Variants in GNAI3 observed in about 807,000 individuals in gnomAD.
The protein encoded by GNAI3 is guanine nucleotide-binding protein G(i) subunit alpha-3.
In GNAI3, 12 loss-of-function variants were observed where a neutral mutation model predicts 41.8. The ratio of observed to expected loss-of-function variants is 0.29; its 90% CI spans 0.18 to 0.47. The LOEUF (loss-of-function observed/expected upper bound fraction) is 0.47. Ranked by LOEUF, GNAI3 falls within the 20% of genes least tolerant of loss-of-function variation. GNAI3 has a pLI of 1.00. For synonymous variants in GNAI3, 132 were observed against 146.5 expected (o/e 0.90, Z 0.71); for missense variants, 360 against 429.6 (o/e 0.84, Z 1.43).
intron 1 of GNAI3, among the ~76,000 whole-genome samples, chr1:109,553,286 A>G (rs967568414): frequency 1.3e-5 from 2 of 152,104 alleles, no homozygotes; most frequent in East Asian, 1.9e-4. Flanking sequence ...TTATTGAATT[A>G]TCTGCTCTCT....
chr1:109,577,280 T>G (rs1019890021), intron 3 of GNAI3, among the ~76,000 whole-genome samples: 53 of 146,994 alleles, frequency 3.6e-4, no homozygotes, highest in Non-Finnish European at 3.2e-4. Context: ...TTTTTTTTGT[T>G]TTTTTTTTTT....
chr1:109,550,787 C>A (rs971254609), intron 1 of GNAI3, among the ~76,000 whole-genome samples: 2 of 152,210 alleles, frequency 1.3e-5, no homozygotes, highest in African/African-American at 4.8e-5. Context: ...CCCGCCTTGG[C>A]CTCCCAAAGT....
In GNAI3 at chr1:109,592,968, A is replaced by G. The variant is rs1398812692; in HGVS notation, c.*646A>G. On this transcript the variant is annotated 3_prime_UTR_variant, in exon 9 of 9. Coordinates refer to ENST00000369851, the MANE Select transcript of GNAI3 (RefSeq NM_006496.4). ...CTCAAAGTACCATTATGGTTTCCATATGGTAATTACATTGGAAAGTTCTGC... is the reference window on the plus strand; with the variant it reads ...CTCAAAGTACCATTATGGTTTCCATGTGGTAATTACATTGGAAAGTTCTGC... The G allele has an allele frequency of 6.6e-6, 1 of 152,658 alleles. No homozygotes were observed. Among genetic ancestry groups the G allele is most frequent in the Non-Finnish European group, 1.5e-5 (1 of 68,050 alleles). The allele number at this position is 152,658 out of a possible 1,614,324, so 9.5% of individuals were successfully genotyped here. A position where few individuals can be genotyped will look rare whatever the true frequency, so the allele number is the denominator to read the frequency against.
At chr1:109,591,733 C>T in intron 7 of GNAI3, 1 of 364,430 alleles carries the variant, frequency 2.7e-6, no homozygotes, top group South Asian at 7.6e-5. Context: ...ATGCACCTTC[C>T]TACTTTCCTA....
chr1:109,573,799 TTTGTTAGAC>T lies in GNAI3; in HGVS notation c.161+22_161+30del, dbSNP rs756205514. The T allele has an allele frequency of 6.2e-7, 1 of 1,606,700 alleles. No individual in the cohort carries two copies. Among genetic ancestry groups the T allele is most frequent in the Non-Finnish European group, 8.5e-7 (1 of 1,173,260 alleles). On this transcript the variant is annotated intron_variant, in intron 2 of 8. Coordinates refer to ENST00000369851, the MANE Select transcript of GNAI3 (RefSeq NM_006496.4). Reference sequence around the variant, plus strand: ...GATGAAGTAAGTTGGAATGTAGCGTTTTGTTAGACTAGGATTTCTCCTAATGCATATAAA... The same window carrying T: ...GATGAAGTAAGTTGGAATGTAGCGTTTAGGATTTCTCCTAATGCATATAAA...
intron 4 of GNAI3, among the ~76,000 whole-genome samples, chr1:109,580,162 C>T (rs774651681): frequency 1.1e-4 from 16 of 152,112 alleles, no homozygotes; most frequent in Non-Finnish European, 2.1e-4. Context: ...CCACCATGCC[C>T]GGCTAATTTG....
At chr1:109,587,688 C>T (rs1049872354) in intron 7 of GNAI3, among the ~76,000 whole-genome samples, 1 of 152,128 alleles carries the variant, frequency 6.6e-6, no homozygotes, top group Non-Finnish European at 1.5e-5. Context: ...CCTTATATCT[C>T]ATGCTGAGAC....
Position 109,586,150 on chromosome 1 carries a change from T to C in GNAI3, c.591-66T>C. 3 of 1,404,338 alleles carry C rather than the reference T, an allele frequency of 2.1e-6. No individual in the cohort carries two copies. The Admixed American group carries it at 6.4e-5, about 30-fold the overall frequency. The allele number at this position is 1,404,338 out of a possible 1,614,324, so 87.0% of individuals were successfully genotyped here. A position where few individuals can be genotyped will look rare whatever the true frequency, so the allele number is the denominator to read the frequency against. On this transcript the variant is annotated intron_variant, in intron 5 of 8. Coordinates refer to ENST00000369851, the MANE Select transcript of GNAI3 (RefSeq NM_006496.4). Reference sequence around the variant, plus strand: ...TATGTAATAGTGGGAAGTTTCCTAATCATTTCAGTTTAGGGGAAGGTGTAT... The same window carrying C: ...TATGTAATAGTGGGAAGTTTCCTAACCATTTCAGTTTAGGGGAAGGTGTAT...
chr1:109,586,838 A>G lies in GNAI3; in HGVS notation c.830A>G (p.Lys277Arg). ...FLNKKDLFEE[K>R]IKRSPLTICY... ...AACAAGAAAGACCTTTTTGAGGAAA[A>G]AATAAAGAGGAGTCCGTTAACTATC... The change falls in exon 7 of 9, where the codon AAA becomes AGA. Residue 277 changes from lysine to arginine, a missense_variant. Lys to Arg is a conservative substitution (Grantham distance 26, BLOSUM62 2). Coordinates refer to ENST00000369851, the MANE Select transcript of GNAI3 (RefSeq NM_006496.4). The G allele has an allele frequency of 6.2e-7, 1 of 1,604,572 alleles. No individual in the cohort carries two copies. Among genetic ancestry groups the G allele is most frequent in the South Asian group, 1.1e-5 (1 of 90,822 alleles).
At chr1:109,583,603 A>G (rs184339452) in intron 5 of GNAI3, among the ~76,000 whole-genome samples, 1 of 151,736 alleles carries the variant, frequency 6.6e-6, no homozygotes, top group East Asian at 1.9e-4. Context: ...TTTTTTTGAG[A>G]TGGAGTCTTG....
chr1:109,571,034 T>A (rs558690187), intron 1 of GNAI3, among the ~76,000 whole-genome samples: 1 of 152,180 alleles, frequency 6.6e-6, no homozygotes, highest in African/African-American at 2.4e-5. Flanking sequence ...TTTAAAAAAA[T>A]TAAGCTTTAC....
chr1:109,568,262 C>A (rs947728617), intron 1 of GNAI3, among the ~76,000 whole-genome samples: 2 of 152,084 alleles, frequency 1.3e-5, no homozygotes, highest in South Asian at 4.1e-4. Flanking sequence ...TGTCTGGGTG[C>A]AGTGGCTCGC....
chr1:109,566,721 C>T (rs1648464587), intron 1 of GNAI3, among the ~76,000 whole-genome samples: 1 of 152,142 alleles, frequency 6.6e-6, no homozygotes, highest in African/African-American at 2.4e-5. Context: ...GCCACCATAC[C>T]TGGCTAATTT....
At chr1:109,581,293 C>G (rs1290836170) in intron 4 of GNAI3, among the ~76,000 whole-genome samples, 1 of 151,228 alleles carries the variant, frequency 6.6e-6, no homozygotes, top group Non-Finnish European at 1.5e-5. Flanking sequence ...AAAAAAAAAC[C>G]CCAGACCTCC....
At position 109,592,357 on chromosome 1, in the gene GNAI3, G is replaced by A. The variant is rs1410329540; in HGVS notation, c.*35G>A. 1 of 636,008 alleles carries A rather than the reference G, an allele frequency of 1.6e-6. No homozygotes were observed. Among genetic ancestry groups the A allele is most frequent in the Non-Finnish European group, 2.7e-6 (1 of 366,180 alleles). 39.4% of individuals were successfully genotyped at this position (636,008 alleles called of 1,614,324 possible). A position where few individuals can be genotyped will look rare whatever the true frequency, so the allele number is the denominator to read the frequency against. ...TCTTCTCTTCTAGTTACTACAGTGT[G>A]GAGTGTTGAGACCAGACACCTTTTG... On this transcript the variant is annotated 3_prime_UTR_variant, in exon 9 of 9. Coordinates refer to ENST00000369851, the MANE Select transcript of GNAI3 (RefSeq NM_006496.4).
At chr1:109,565,177 C>T (rs1262456542) in intron 1 of GNAI3, among the ~76,000 whole-genome samples, 2 of 151,132 alleles carry the variant, frequency 1.3e-5, no homozygotes, top group African/African-American at 2.4e-5. Flanking sequence ...GACAGAGAAT[C>T]ACTTGAACCC....
intron 1 of GNAI3, among the ~76,000 whole-genome samples, chr1:109,569,743 A>G (rs537826608): frequency 2.6e-5 from 4 of 152,256 alleles, no homozygotes; most frequent in African/African-American, 9.6e-5. Context: ...ATAAAGGGAA[A>G]GGCAAACTGA....
rs1316507687 is a variant in GNAI3 at position 109,592,154 on chromosome 1, C to T, written c.986C>T (p.Thr329Met). Reference sequence around the variant, plus strand: ...ACTCACTTCACCTGTGCCACAGACACGAAGAATGTGCAGTTTGTTTTTGAT... The same window carrying T: ...ACTCACTTCACCTGTGCCACAGACATGAAGAATGTGCAGTTTGTTTTTGAT... The part of the protein sequence containing the change: ...IYTHFTCATD[T>M]KNVQFVFDAV... Residue 329 changes from threonine to methionine, a missense_variant, in exon 8 of 9, where the codon ACG (threonine) becomes ATG (methionine). Thr to Met is a moderately conservative substitution (Grantham distance 81). Transcript: ENST00000369851. 7.4e-6 allele frequency: 12 copies of T among 1,612,534 alleles called. No homozygotes were observed. Among genetic ancestry groups the T allele is most frequent in the Admixed American group, 3.3e-5 (2 of 60,008 alleles).
At chr1:109,568,143 C>A (rs1049598205) in intron 1 of GNAI3, among the ~76,000 whole-genome samples, 1 of 152,102 alleles carries the variant, frequency 6.6e-6, no homozygotes, top group Admixed American at 6.6e-5. Context: ...GAAATTATCA[C>A]CATCTCTCAC....
Sources: gnomAD v4.1 joint callset for allele counts (sites outside exome capture counted in the v4.1 genomes callset) on GRCh38, gnomAD v4.1.1 for gene constraint, MANE v1.5 for transcripts, NCBI Gene and HGNC (gene_info 2026-07-23, HGNC 2026-07-21) for gene names.